The following ZNF563 variants were observed in gnomAD, a reference collection of about 807,000 sequenced individuals.
ZNF563 encodes zinc finger protein 563.
In ZNF563, 39 loss-of-function variants were observed where a neutral mutation model predicts 48.5. That is an observed-to-expected ratio of 0.80 (90% CI 0.62 to 1.05). The LOEUF is 1.05. ZNF563 is among the 50% of genes least tolerant of loss of function. The probability of loss-of-function intolerance (pLI) is 0.00; values close to 1 mark genes in which losing one functional copy is unlikely to be tolerated. For synonymous variants in ZNF563, 168 were observed against 187.9 expected, an observed-to-expected ratio of 0.89 and a Z score of 0.87; for missense variants, 538 against 597.0, an observed-to-expected ratio of 0.90 and a Z score of 1.03.
At chr19:12,322,476 T>C (rs1427982903) in intron 2 of ZNF563, 109 bp downstream of exon 2, 1 of 1,219,470 alleles carries the variant, frequency 8.2e-7, no homozygotes, top group Non-Finnish European at 1.1e-6. Flanking sequence ...TCTGTGTTGT[T>C]CAAGAGTCCA....
chr19:12,323,119 A>G (rs1004515696), intron 1 of ZNF563, among the ~76,000 whole-genome samples: 10 of 152,324 alleles, frequency 6.6e-5, no homozygotes, highest in Admixed American at 4.6e-4. Context: ...TGGACCTTTT[A>G]TGGTGTCTAG....
At chr19:12,337,505 T>C (rs1969033194), upstream of ZNF563, among the ~76,000 whole-genome samples, 1 of 152,178 alleles carries the variant, frequency 6.6e-6, no homozygotes, top group South Asian at 2.1e-4. Flanking sequence ...GTCTGGCCAT[T>C]TTATTTTCCT....
intron 1 of ZNF563, among the ~76,000 whole-genome samples, chr19:12,328,449 T>A (rs1968844795): frequency 6.6e-6 from 1 of 152,222 alleles, no homozygotes; most frequent in Non-Finnish European, 1.5e-5. Context: ...ACTACCAGCC[T>A]GTGTGACAGA....
At position 12,319,837 on chromosome 19, in the gene ZNF563, TA is replaced by T; in HGVS notation, c.192-5del. The T allele has an allele frequency of 6.2e-7, 1 of 1,605,876 alleles. No individual in the cohort carries two copies. The highest frequency in any genetic ancestry group is 8.5e-7 in the Non-Finnish European group (1 of 1,175,250). Reference sequence around the variant, plus strand: ...GAATCTCTCTACCATATGACATCTGTAAAAAATGAGTAGTACGTTACTAAAT... The same window carrying T: ...GAATCTCTCTACCATATGACATCTGTAAAAATGAGTAGTACGTTACTAAAT... On this transcript the variant is annotated splice_region_variant and splice_polypyrimidine_tract_variant and intron_variant, in intron 3 of 3. Transcript: ENST00000293725.
In ZNF563 at chr19:12,319,397, TG is replaced by T. The variant is rs1323695687; in HGVS notation, c.627del (p.Ser210ValfsTer60). 2 of 1,614,078 alleles carry T rather than the reference TG, an allele frequency of 1.2e-6. No individual in the cohort carries two copies. The highest frequency in any genetic ancestry group is 2.7e-5 in the African/African-American group (2 of 74,932). On this transcript the variant is annotated frameshift_variant, in exon 4 of 4. Transcript: ENST00000293725. LOFTEE classifies it high-confidence loss of function. ...GTTCTTTCATGCATACGTAATAAAC[TG>T]GGCCAAAAAAAAGCTTTCCCACACA... Reference protein sequence around the residue: ...CKLCGKAFFWPSLLRMHERTH... With the variant: ...CKLCGKAFFWXSLLRMHERTH...
upstream of ZNF563, among the ~76,000 whole-genome samples, chr19:12,337,558 G>A (rs778664450): frequency 3.3e-5 from 5 of 151,860 alleles, no homozygotes; most frequent in Non-Finnish European, 7.4e-5. Flanking sequence ...GGTTTTCTGG[G>A]GTACTTTCAT....
intron 1 of ZNF563, 98 bp from the exon 2 acceptor site, chr19:12,322,809 G>A: frequency 3.9e-6 from 5 of 1,282,440 alleles, no homozygotes; most frequent in Non-Finnish European, 5.2e-6. Flanking sequence ...TGCTTTCCAA[G>A]CATTTATTCA....
At chr19:12,332,327 CTTTGTTTTTTTTCTTT>C (rs1968940250) in intron 1 of ZNF563, among the ~76,000 whole-genome samples, 1 of 150,112 alleles carries the variant, frequency 6.7e-6, no homozygotes, top group Non-Finnish European at 1.5e-5. Flanking sequence ...ACGGGTCTAA[CTTTGTTTTTTTTCTTT>C]TTTCTTTTTT....
chr19:12,341,360 T>C, the ZNF563 span, among the ~76,000 whole-genome samples: 3 of 152,206 alleles, frequency 2.0e-5, no homozygotes, highest in African/African-American at 7.2e-5. Flanking sequence ...CCTTAAGGGC[T>C]TTCTTATCAT....
chr19:12,325,817 T>C (rs1218663089), intron 1 of ZNF563, among the ~76,000 whole-genome samples: 2 of 152,198 alleles, frequency 1.3e-5, no homozygotes, highest in Non-Finnish European at 2.9e-5. Flanking sequence ...TACTTTTAGC[T>C]TGTAGCATTC....
rs1312502150 is a variant in ZNF563, at chr19:12,322,571, G to A, written c.130+14C>T. ...TCTGTAATTGATTAAGTGAAGACAT[G>A]GTATCATCCTTACTTATACAGTCCA... On this transcript the variant is annotated intron_variant, in intron 2 of 3. Coordinates refer to ENST00000293725, the MANE Select transcript of ZNF563 (RefSeq NM_145276.3). 1 of 1,580,870 alleles carries A rather than the reference G, an allele frequency of 6.3e-7. No homozygotes were observed. Among genetic ancestry groups the A allele is most frequent in the Non-Finnish European group, 8.6e-7 (1 of 1,163,572 alleles).
At chr19:12,345,082 T>C in the ZNF563 span, among the ~76,000 whole-genome samples, 2 of 152,130 alleles carry the variant, frequency 1.3e-5, no homozygotes, top group East Asian at 1.9e-4. Context: ...TGAAGCAAAT[T>C]AAGGAAGATA....
At position 12,329,177 on chromosome 19, in the gene ZNF563, T is replaced by C. The variant is rs141683823; in HGVS notation, c.3+4303A>G. ...AATGAAATAGCAATCAAGAAATCAA[T>C]AGAAAACATCAACAGGCTGGGCGCG... On this transcript the variant is annotated intron_variant, in intron 1 of 3. Transcript: ENST00000293725. Among the ~76,000 whole-genome samples, 49 of 152,126 alleles carry C rather than the reference T, an allele frequency of 3.2e-4. No individual in the cohort carries two copies. In the East Asian group the frequency reaches 5.4e-3, roughly 17 times the overall value.
intron 1 of ZNF563, among the ~76,000 whole-genome samples, chr19:12,327,997 T>A (rs1968834700): frequency 1.3e-5 from 2 of 152,176 alleles, no homozygotes; most frequent in South Asian, 4.1e-4. Context: ...AATTCACAGA[T>A]CAGTTTGTCA....
chr19:12,341,012 T>C, the ZNF563 span, among the ~76,000 whole-genome samples: 1 of 152,122 alleles, frequency 6.6e-6, no homozygotes, highest in Non-Finnish European at 1.5e-5. Context: ...ATAAAGATCT[T>C]AGTAAAAAGA....
chr19:12,339,660 T>A, the ZNF563 span, among the ~76,000 whole-genome samples: 1 of 152,042 alleles, frequency 6.6e-6, no homozygotes, highest in African/African-American at 2.4e-5. Context: ...GGTGTAGCAG[T>A]CAGGTGAGAC....
chr19:12,337,748 G>C (rs565670797), upstream of ZNF563, among the ~76,000 whole-genome samples: 5 of 152,268 alleles, frequency 3.3e-5, no homozygotes, highest in African/African-American at 1.2e-4. Context: ...GAGTCACTGA[G>C]GTGGTATGAA....
chr19:12,339,911 T>C, the ZNF563 span, among the ~76,000 whole-genome samples: 7 of 152,152 alleles, frequency 4.6e-5, no homozygotes, highest in Non-Finnish European at 1.0e-4. Context: ...ACAACAAAGA[T>C]AATCTTGAAA....
chr19:12,331,519 C>A (rs1356708900), intron 1 of ZNF563, among the ~76,000 whole-genome samples: 2 of 152,240 alleles, frequency 1.3e-5, no homozygotes, highest in Non-Finnish European at 2.9e-5. Context: ...CCCCTCAATA[C>A]CAGCACCTGA....
Sources: gnomAD v4.1 joint callset for allele counts (sites outside exome capture counted in the v4.1 genomes callset) on GRCh38, gnomAD v4.1.1 for gene constraint, MANE v1.5 for transcripts, NCBI Gene and HGNC (gene_info 2026-07-23, HGNC 2026-07-21) for gene names.